Variants in CHRM2 observed in about 807,000 individuals in gnomAD.
CHRM2 encodes muscarinic acetylcholine receptor M2.
CHRM2 carries 8 observed loss-of-function variants against 25.0 expected under a neutral mutation model. The ratio of observed to expected loss-of-function variants is 0.32; its 90% CI spans 0.19 to 0.58. CHRM2 has a LOEUF of 0.58. CHRM2 is among the 20% of genes least tolerant of loss of function. The pLI, the probability that CHRM2 is intolerant of heterozygous loss-of-function variation, is 0.88. For missense variants in CHRM2, 440 were observed against 567.1 expected (o/e 0.78, Z 2.28); for synonymous variants, 202 against 205.7 (o/e 0.98, Z 0.15).
intron 2 of CHRM2, among the ~76,000 whole-genome samples, chr7:136,891,317 C>G (rs1011335083): frequency 1.3e-5 from 2 of 152,116 alleles, no homozygotes; most frequent in Non-Finnish European, 2.9e-5. Flanking sequence ...GATACTGTGA[C>G]AATTTCTCAG....
At chr7:136,994,893 T>C (rs1293209663) in intron 3 of CHRM2, among the ~76,000 whole-genome samples, 1 of 152,118 alleles carries the variant, frequency 6.6e-6, no homozygotes, top group Non-Finnish European at 1.5e-5. Context: ...GTATTCATTG[T>C]TTTGGAAAAC....
At chr7:136,947,539 C>T (rs897217349) in intron 2 of CHRM2, among the ~76,000 whole-genome samples, 11 of 152,140 alleles carry the variant, frequency 7.2e-5, no homozygotes, top group African/African-American at 2.7e-4. Flanking sequence ...CTTATTAGAG[C>T]TCTTTCAACA....
intron 2 of CHRM2, among the ~76,000 whole-genome samples, chr7:136,884,387 A>G (rs887335046): frequency 2.0e-5 from 3 of 152,210 alleles, no homozygotes; most frequent in Non-Finnish European, 4.4e-5. Context: ...TAATTCTGTC[A>G]AAGTGTTTTT....
intron 2 of CHRM2, chr7:136,871,592 T>C (rs1033169699): frequency 1.3e-5 from 2 of 152,610 alleles, no homozygotes; most frequent in East Asian, 1.9e-4. Flanking sequence ...AACCATATGA[T>C]AGGAAATATA....
chr7:136,996,028 A>G (rs1803578093), intron 3 of CHRM2, among the ~76,000 whole-genome samples: 2 of 151,886 alleles, frequency 1.3e-5, no homozygotes, highest in Non-Finnish European at 1.5e-5. Context: ...CAGTGTATGG[A>G]ATTATGTAAT....
At chr7:136,972,694 ATGATGG>A (rs1174221761) in intron 2 of CHRM2, among the ~76,000 whole-genome samples, 1 of 152,128 alleles carries the variant, frequency 6.6e-6, no homozygotes, top group Non-Finnish European at 1.5e-5. Context: ...GTGGTAAGTA[ATGATGG>A]TGATGGTGTT....
chr7:136,947,586 T>C (rs1026977470), intron 2 of CHRM2, among the ~76,000 whole-genome samples: 3 of 152,214 alleles, frequency 2.0e-5, no homozygotes, highest in African/African-American at 4.8e-5. Context: ...GGCCTCTTTA[T>C]GTTGTAGACC....
intron 3 of CHRM2, among the ~76,000 whole-genome samples, chr7:137,013,944 T>C (rs1161985554): frequency 6.6e-6 from 1 of 152,110 alleles, no homozygotes; most frequent in East Asian, 1.9e-4. Flanking sequence ...AAACAAAAAG[T>C]TTGGCAGAAA....
At chr7:136,987,047 C>T (rs1422078837) in intron 2 of CHRM2, among the ~76,000 whole-genome samples, 1 of 152,180 alleles carries the variant, frequency 6.6e-6, no homozygotes, top group African/African-American at 2.4e-5. Flanking sequence ...CTGATTTTCT[C>T]TTCCGCTTGA....
At chr7:136,891,844 G>A (rs984651416) in intron 2 of CHRM2, among the ~76,000 whole-genome samples, 6 of 152,112 alleles carry the variant, frequency 3.9e-5, no homozygotes, top group Non-Finnish European at 7.4e-5. Flanking sequence ...ATTATCTGCC[G>A]CTCCTCAGAA....
At chr7:136,882,169 C>A (rs1327907231) in intron 2 of CHRM2, among the ~76,000 whole-genome samples, 1 of 151,996 alleles carries the variant, frequency 6.6e-6, no homozygotes, top group Non-Finnish European at 1.5e-5. Flanking sequence ...GCTATTTAGA[C>A]ACCGGCTTTA....
intron 3 of CHRM2, among the ~76,000 whole-genome samples, chr7:137,003,718 T>C (rs1055409822): frequency 1.3e-5 from 2 of 152,122 alleles, no homozygotes; most frequent in African/African-American, 2.4e-5. Context: ...ACTTTGCTGA[T>C]AGTAGTATAA....
In CHRM2 at chr7:137,015,901, G is replaced by T. The variant is rs1455067791; in HGVS notation, c.1036G>T (p.Val346Leu). The change falls in exon 4 of 4, where the codon GTA becomes TTA. Residue 346 changes from valine to leucine, a missense_variant. Physicochemically the swap from Val to Leu is conservative, Grantham distance 32 (BLOSUM62 1). Transcript: ENST00000680005. The surrounding 1 kb of genome is among the most constrained non-coding windows in gnomAD (Gnocchi z 5.1). ...TACCCCAACTAATACCACCGTGGAG[G>T]TAGTGGGGTCTTCAGGTCAGAATGG... ...SCTPTNTTVEVVGSSGQNGDE... is the reference protein window; with the variant it reads ...SCTPTNTTVELVGSSGQNGDE... The T allele has an allele frequency of 1.2e-6, 2 of 1,613,050 alleles. No homozygotes were observed. The highest frequency in any genetic ancestry group is 1.3e-5 in the African/African-American group (1 of 74,824).
chr7:136,977,947 C>T (rs1424382515), intron 2 of CHRM2, among the ~76,000 whole-genome samples: 1 of 152,166 alleles, frequency 6.6e-6, no homozygotes, highest in Non-Finnish European at 1.5e-5. Context: ...TTTCATTCTT[C>T]TGCATATGGC....
chr7:137,000,734 T>A (rs1803979936), intron 3 of CHRM2, among the ~76,000 whole-genome samples: 1 of 151,984 alleles, frequency 6.6e-6, no homozygotes, highest in Non-Finnish European at 1.5e-5. Flanking sequence ...GTTCACCTTT[T>A]TTTTTTTAAT....
At chr7:136,995,291 C>T (rs1339004140) in intron 3 of CHRM2, among the ~76,000 whole-genome samples, 1 of 151,966 alleles carries the variant, frequency 6.6e-6, no homozygotes, top group East Asian at 1.9e-4. Context: ...GCAAGATATA[C>T]ACAAATATAC....
chr7:136,888,514 C>T (rs539514192), intron 2 of CHRM2, among the ~76,000 whole-genome samples: 3 of 152,142 alleles, frequency 2.0e-5, no homozygotes, highest in Non-Finnish European at 4.4e-5. Context: ...TCAAGTCACA[C>T]CAATCATCAG....
intron 2 of CHRM2, among the ~76,000 whole-genome samples, chr7:136,876,015 T>C (rs1796039027): frequency 1.3e-5 from 2 of 152,150 alleles, no homozygotes; most frequent in African/African-American, 4.8e-5. Context: ...AAAGGTATGA[T>C]ATAATATGAT....
chr7:136,942,211 T>A (rs1475579121), intron 2 of CHRM2, among the ~76,000 whole-genome samples: 2 of 152,160 alleles, frequency 1.3e-5, no homozygotes, highest in Non-Finnish European at 2.9e-5. Flanking sequence ...TTTCTTTCGT[T>A]GGGAACCACT....
Sources: gnomAD v4.1 joint callset for allele counts (sites outside exome capture counted in the v4.1 genomes callset) on GRCh38, gnomAD v4.1.1 for gene constraint, Gnocchi (gnomAD v3.1) non-coding constraint, MANE v1.5 for transcripts, NCBI Gene and HGNC (gene_info 2026-07-23, HGNC 2026-07-21) for gene names.